STK26: variants seen among roughly 807,000 people sequenced by gnomAD.
The protein encoded by STK26 is serine/threonine kinase 26.
A neutral mutation model predicts 34.7 loss-of-function variants in STK26; 14 were observed. The ratio of observed to expected loss-of-function variants is 0.40; its 90% CI spans 0.27 to 0.63. The LOEUF is 0.63. Among genes scored for constraint, STK26 ranks in the 30% least tolerant of loss-of-function variants. The pLI is 0.38. For synonymous variants in STK26, 100 were observed against 109.8 expected, an observed-to-expected ratio of 0.91 and a Z score of 0.56; for missense variants, 226 against 309.1, an observed-to-expected ratio of 0.73 and a Z score of 2.02.
At chrX:132,066,152 G>A (rs1295647023) in intron 4 of STK26, among the ~76,000 whole-genome samples, 1 of 111,730 alleles carries the variant, frequency 9.0e-6, no homozygotes, top group African/African-American at 3.3e-5. Flanking sequence ...TCCCATTCTT[G>A]AAAAACAATT....
intron 2 of STK26, among the ~76,000 whole-genome samples, chrX:132,032,379 G>A (rs747674285): frequency 5.4e-5 from 6 of 111,877 alleles, no homozygotes; most frequent in Non-Finnish European, 1.1e-4. Flanking sequence ...TTTTTTATAT[G>A]TTCACTTTCT....
In STK26 at chrX:132,072,998, G is replaced by C; in HGVS notation, c.1131G>C (p.Ala377=). The part of the protein sequence containing the change: ...QDENNASRNQ[A]IEELEKSIAV... ...AGAATAACGCTAGCAGGAATCAGGC[G>C]ATTGAAGAACTCGAGAAAAGTATTG... Residue 377 remains alanine, a synonymous_variant, in exon 11 of 12, where the codon GCG becomes GCC. Coordinates refer to ENST00000394334, the MANE Select transcript of STK26 (RefSeq NM_016542.4). 2 of 1,210,793 alleles carry C rather than the reference G, an allele frequency of 1.7e-6. No individual in the cohort carries two copies. The highest frequency in any genetic ancestry group is 3.5e-5 in the South Asian group (2 of 56,869).
chrX:132,051,903 T>A (rs747396813), intron 2 of STK26, among the ~76,000 whole-genome samples: 1 of 110,850 alleles, frequency 9.0e-6, no homozygotes, highest in East Asian at 2.8e-4. Flanking sequence ...GTTTCATCCA[T>A]GTCCTTGAAA....
At chrX:132,040,244 GCCC>G (rs1926213707) in intron 2 of STK26, among the ~76,000 whole-genome samples, 1 of 112,799 alleles carries the variant, frequency 8.9e-6, no homozygotes, top group East Asian at 2.8e-4. Flanking sequence ...GGGGCATTAA[GCCC>G]GACTGAGAAT....
At chrX:132,059,569 G>C (rs1392122751) in intron 3 of STK26, among the ~76,000 whole-genome samples, 1 of 111,677 alleles carries the variant, frequency 9.0e-6, no homozygotes, top group Non-Finnish European at 1.9e-5. Flanking sequence ...TTTATGAAGA[G>C]TGCTAAAATA....
chrX:132,037,988 GA>G (rs1385485243), intron 2 of STK26, among the ~76,000 whole-genome samples: 1 of 108,752 alleles, frequency 9.2e-6, no homozygotes, highest in African/African-American at 3.4e-5. Context: ...AATAGCAAGT[GA>G]AAAAAAACTA....
chrX:132,073,950 G>C (rs1021426120), intron 11 of STK26, among the ~76,000 whole-genome samples, 185 bp from the exon 12 acceptor site: 1 of 111,721 alleles, frequency 9.0e-6, no homozygotes, highest in Non-Finnish European at 1.9e-5. Flanking sequence ...TCAATCGGAA[G>C]TTGTGAAATC....
chrX:132,053,908 T>C lies in STK26; in HGVS notation c.43-723T>C, dbSNP rs555737969. On this transcript the variant is annotated intron_variant, in intron 2 of 11. Coordinates refer to ENST00000394334, the MANE Select transcript of STK26 (RefSeq NM_016542.4). ...ATCTACGTCATGCCTATACATTTGT[T>C]AACCTTGAAAGCCTATGCTTATTCC... Among the ~76,000 whole-genome samples the C allele has an allele frequency of 5.7e-4, 64 of 112,548 alleles. 1 individual carries two copies. The highest frequency in any genetic ancestry group is 2.0e-3 in the African/African-American group (62 of 31,078).
intron 2 of STK26, among the ~76,000 whole-genome samples, chrX:132,046,566 C>T (rs1048116540): frequency 3.6e-5 from 4 of 111,554 alleles, no homozygotes; most frequent in Non-Finnish European, 5.7e-5. Context: ...TTATTTCTGC[C>T]TTATGAACAC....
intron 2 of STK26, among the ~76,000 whole-genome samples, chrX:132,046,339 T>C (rs1926496324): frequency 8.9e-6 from 1 of 111,744 alleles, no homozygotes; most frequent in Non-Finnish European, 1.9e-5. Context: ...ATTATTCTTT[T>C]GTTCTTAAAG....
intron 2 of STK26, among the ~76,000 whole-genome samples, chrX:132,039,234 G>A (rs1926174462): frequency 9.0e-6 from 1 of 111,198 alleles, no homozygotes; most frequent in Admixed American, 9.6e-5. Flanking sequence ...GAAAGATAAA[G>A]TACATTTTAG....
chrX:132,024,141 A>G (rs927318471), intron 2 of STK26, among the ~76,000 whole-genome samples: 1 of 111,116 alleles, frequency 9.0e-6, no homozygotes, highest in Non-Finnish European at 1.9e-5. Context: ...CTGTGTGCGT[A>G]GGGCTAAGAG....
In STK26 at chrX:132,071,207, G is replaced by C. The variant is rs141248916; in HGVS notation, c.922G>C (p.Gly308Arg). 1 of 1,206,124 alleles carries C rather than the reference G, an allele frequency of 8.3e-7. No individual in the cohort carries two copies. The highest frequency in any genetic ancestry group is 1.1e-6 in the Non-Finnish European group (1 of 893,601). ...GHSDDESDSE[G>R]SDSESTSREN... ...CAGTGATGATGAATCTGATTCCGAG[G>C]GCTCTGATTCGTATGTACAAATTAT... The change falls in exon 8 of 12, where the codon GGC becomes CGC. Residue 308 changes from glycine to arginine, a missense_variant. Gly to Arg is a moderately radical substitution (Grantham distance 125). Coordinates refer to ENST00000394334, the MANE Select transcript of STK26 (RefSeq NM_016542.4).
chrX:132,032,550 T>A (rs1424167846), intron 2 of STK26, among the ~76,000 whole-genome samples: 2 of 111,891 alleles, frequency 1.8e-5, no homozygotes, highest in African/African-American at 6.5e-5. Flanking sequence ...TTTAAATTTT[T>A]CCCTCTCCTT....
At chrX:132,051,228 G>A (rs1278229401) in intron 2 of STK26, among the ~76,000 whole-genome samples, 2 of 111,615 alleles carry the variant, frequency 1.8e-5, no homozygotes, top group African/African-American at 6.5e-5. Context: ...CTAAATAGTT[G>A]TTGTTGTTAT....
intron 2 of STK26, among the ~76,000 whole-genome samples, chrX:132,050,739 T>A (rs756208330): frequency 1.6e-4 from 18 of 111,884 alleles, no homozygotes; most frequent in Non-Finnish European, 2.8e-4. Context: ...GTCCTCTTAG[T>A]TTTACTTTAA....
At chrX:132,044,712 T>G (rs1242073627) in intron 2 of STK26, among the ~76,000 whole-genome samples, 2 of 60,831 alleles carry the variant, frequency 3.3e-5, no homozygotes, top group Non-Finnish European at 6.2e-5. Flanking sequence ...GAGAGAGATC[T>G]ATATATATAT....
At position 132,075,408 on chromosome X, in the gene STK26, A is replaced by G. The variant is rs942513223; in HGVS notation, c.*1249A>G. ...CTAATGTTTAATTGTTTGGATCTGCACAGTTTGGTTTTTGCACAAAAGTCA... is the reference window on the plus strand; with the variant it reads ...CTAATGTTTAATTGTTTGGATCTGCGCAGTTTGGTTTTTGCACAAAAGTCA... On this transcript the variant is annotated 3_prime_UTR_variant, in exon 12 of 12. Transcript: ENST00000394334. 9.0e-6 allele frequency: 1 copy of G among 111,553 alleles called. No individual in the cohort carries two copies. The highest frequency in any genetic ancestry group is 1.9e-5 in the Non-Finnish European group (1 of 52,958). 9.2% of individuals were successfully genotyped at this position (111,553 alleles called of 1,213,427 possible). A position where few individuals can be genotyped will look rare whatever the true frequency, so the allele number is the denominator to read the frequency against.
rs763298386 is a variant in STK26, at chrX:132,072,314, A to G, written c.979A>G (p.Thr327Ala). ...CAATACTCATCCTGAATGGAGCTTTACCACCGTACGAAAGAAGCCTGATCC... is the reference window on the plus strand; with the variant it reads ...CAATACTCATCCTGAATGGAGCTTTGCCACCGTACGAAAGAAGCCTGATCC... The part of the protein sequence containing the change: ...ENNTHPEWSF[T>A]TVRKKPDPKK... Residue 327 changes from threonine to alanine, a missense_variant, in exon 9 of 12, where the codon ACC (threonine) becomes GCC (alanine). Transcript: ENST00000394334. The G allele has an allele frequency of 4.8e-5, 58 of 1,207,430 alleles. No homozygotes were observed. The highest frequency in any genetic ancestry group is 5.8e-5 in the Non-Finnish European group (52 of 893,437).
Sources: allele counts gnomAD v4.1 joint callset (sites outside exome capture counted in the v4.1 genomes callset), GRCh38; gene constraint gnomAD v4.1.1; transcripts MANE v1.5; gene names NCBI Gene and HGNC (gene_info 2026-07-23, HGNC 2026-07-21).